GAB1: variants seen among roughly 807,000 people sequenced by gnomAD.
GAB1 encodes the protein GRB2 associated binding protein 1.
In GAB1, 19 loss-of-function variants were observed where a neutral mutation model predicts 66.5. The observed-to-expected ratio is 0.29, with a 90% CI of 0.20 to 0.42. The LOEUF is 0.42. Among genes scored for constraint, GAB1 ranks in the 10% least tolerant of loss-of-function variants. The probability of loss-of-function intolerance (pLI) is 1.00; values close to 1 mark genes in which losing one functional copy is unlikely to be tolerated. For synonymous variants in GAB1, 294 were observed against 301.4 expected (o/e 0.98, Z 0.25); for missense variants, 732 against 858.5 (o/e 0.85, Z 1.84).
In GAB1 at chr4:143,337,132, C is replaced by A. The variant is rs1339281773; in HGVS notation, c.-57C>A. ...CGCGCTCGGCAGGCGTCGGCTGTGT[C>A]GGGAGCGCGCCCGCCGCCCCTCAGC... is the stretch of plus-strand genomic sequence containing the variant. On this transcript the variant is annotated 5_prime_UTR_variant, in exon 1 of 10. Coordinates refer to ENST00000262994, the MANE Select transcript of GAB1 (RefSeq NM_002039.4). 6.7e-7 allele frequency: 1 copy of A among 1,484,396 alleles called. No homozygotes were observed. Among genetic ancestry groups the A allele is most frequent in the Admixed American group, 2.0e-5 (1 of 49,798 alleles). 92.0% of individuals were successfully genotyped at this position (1,484,396 alleles called of 1,614,324 possible).
intron 1 of GAB1, among the ~76,000 whole-genome samples, chr4:143,412,054 C>T (rs1201942633): frequency 3.9e-5 from 6 of 152,154 alleles, no homozygotes; most frequent in African/African-American, 9.7e-5. Context: ...TAATCACTAG[C>T]CCAATATATC....
In GAB1 at chr4:143,470,526, C is replaced by T. The variant is rs1736025127; in HGVS notation, c.*1337C>T. On this transcript the variant is annotated 3_prime_UTR_variant, in exon 10 of 10. Coordinates refer to ENST00000262994, the MANE Select transcript of GAB1 (RefSeq NM_002039.4). ...AATTCTGTCTCACCTATAACATGGT[C>T]CTGTGACATAGATATTAAGACCACA... 6.6e-6 allele frequency: 1 copy of T among 152,172 alleles called. No individual in the cohort carries two copies. Among genetic ancestry groups the T allele is most frequent in the African/African-American group, 2.4e-5 (1 of 41,438 alleles). The allele number at this position is 152,172 out of a possible 1,614,324, so 9.4% of individuals were successfully genotyped here. A position where few individuals can be genotyped will look rare whatever the true frequency, so the allele number is the denominator to read the frequency against.
chr4:143,461,546 C>A (rs888132996), intron 8 of GAB1, among the ~76,000 whole-genome samples: 1 of 152,154 alleles, frequency 6.6e-6, no homozygotes, highest in African/African-American at 2.4e-5. Flanking sequence ...GACAGTACCT[C>A]GAAACTGCTT....
intron 1 of GAB1, among the ~76,000 whole-genome samples, chr4:143,405,137 T>A (rs1480930275): frequency 6.6e-6 from 1 of 152,206 alleles, no homozygotes; most frequent in East Asian, 1.9e-4. Flanking sequence ...CATATGCCAT[T>A]TTGTTCTTAT....
intron 9 of GAB1, among the ~76,000 whole-genome samples, chr4:143,467,303 A>G (rs907064274): frequency 1.3e-5 from 2 of 152,210 alleles, no homozygotes; most frequent in African/African-American, 4.8e-5. Context: ...GATGAGTTTA[A>G]GGTCATTTCT....
At chr4:143,359,898 A>G (rs1231191443) in intron 1 of GAB1, among the ~76,000 whole-genome samples, 1 of 152,148 alleles carries the variant, frequency 6.6e-6, no homozygotes, top group African/African-American at 2.4e-5. Flanking sequence ...ACGCTGGGGA[A>G]CCCTAACTTT....
At chr4:143,390,871 A>C (rs1731155647) in intron 1 of GAB1, among the ~76,000 whole-genome samples, 1 of 152,146 alleles carries the variant, frequency 6.6e-6, no homozygotes, top group Non-Finnish European at 1.5e-5. Context: ...GATAGGTCGC[A>C]GGTATGTCTG....
chr4:143,404,756 G>A (rs547479090), intron 1 of GAB1, among the ~76,000 whole-genome samples: 1 of 152,284 alleles, frequency 6.6e-6, no homozygotes, highest in African/African-American at 2.4e-5. Context: ...TTGCAAAACT[G>A]AAAACAAAAC....
intron 1 of GAB1, among the ~76,000 whole-genome samples, chr4:143,368,186 A>T (rs1228440696): frequency 6.6e-6 from 1 of 152,090 alleles, no homozygotes; most frequent in Non-Finnish European, 1.5e-5. Flanking sequence ...GAGGAAAAAA[A>T]AAAAACAAGC....
intron 2 of GAB1, among the ~76,000 whole-genome samples, chr4:143,431,133 A>C (rs1447162503): frequency 6.6e-6 from 1 of 152,198 alleles, no homozygotes; most frequent in African/African-American, 2.4e-5. Flanking sequence ...AGGCAGAAGA[A>C]AATCCAGTAA....
At chr4:143,367,294 C>T (rs1270554677) in intron 1 of GAB1, among the ~76,000 whole-genome samples, 1 of 152,090 alleles carries the variant, frequency 6.6e-6, no homozygotes, top group African/African-American at 2.4e-5. Context: ...AGTTGGAACT[C>T]AATAAATGCT....
intron 1 of GAB1, among the ~76,000 whole-genome samples, chr4:143,378,629 GTCTCTC>G (rs3049720): frequency 0.038 from 4,864 of 129,164 alleles, 111 homozygotes; most frequent in South Asian, 0.09. Context: ...CTTCCAAAGT[GTCTCTC>G]TCTCTCTCTC....
At position 143,433,556 on chromosome 4, in the gene GAB1, G is replaced by A; in HGVS notation, c.433G>A (p.Ala145Thr). 1 of 1,613,954 alleles carries A rather than the reference G, an allele frequency of 6.2e-7. No homozygotes were observed. Among genetic ancestry groups the A allele is most frequent in the South Asian group, 1.1e-5 (1 of 91,088 alleles). Reference protein sequence around the residue: ...PADLPLAINTAPPSTQADSSS... With the variant: ...PADLPLAINTTPPSTQADSSS... ...TGATTTACCTTTAGCTATAAATACA[G>A]CACCACCATCCACCCAGGCAGATTC... The change falls in exon 3 of 10, where the codon GCA becomes ACA. Residue 145 changes from alanine to threonine, a missense_variant. Ala to Thr is a moderately conservative substitution (Grantham distance 58). This residue lies in a region of GAB1 where 427 missense variants were observed against 420.6 expected (regional missense o/e 1.02). Transcript: ENST00000262994.
At chr4:143,356,157 G>C (rs889844668) in intron 1 of GAB1, among the ~76,000 whole-genome samples, 2 of 152,138 alleles carry the variant, frequency 1.3e-5, no homozygotes, top group Non-Finnish European at 2.9e-5. Flanking sequence ...CAAATTTTGA[G>C]AATTTGTGCA....
intron 1 of GAB1, among the ~76,000 whole-genome samples, chr4:143,361,431 G>A (rs979095916): frequency 3.9e-5 from 6 of 152,248 alleles, no homozygotes; most frequent in Non-Finnish European, 7.4e-5. Context: ...TTGACCAAAG[G>A]CAATGAAATG....
intron 2 of GAB1, among the ~76,000 whole-genome samples, chr4:143,426,542 A>G (rs1277954402): frequency 6.6e-6 from 1 of 152,202 alleles, no homozygotes; most frequent in African/African-American, 2.4e-5. Flanking sequence ...ACCTTGTCTC[A>G]AAAAATAAAA....
chr4:143,337,070 G>T lies in GAB1; in HGVS notation c.-119G>T. On this transcript the variant is annotated 5_prime_UTR_variant, in exon 1 of 10. Coordinates refer to ENST00000262994, the MANE Select transcript of GAB1 (RefSeq NM_002039.4). ...TGGAGTCTGTCCGCCCAGTCCGTCC[G>T]GGGTGCGCGACCAGGAGAGCTAGGT... is the stretch of plus-strand genomic sequence containing the variant. 1 of 823,184 alleles carries T rather than the reference G, an allele frequency of 1.2e-6. No individual in the cohort carries two copies. Among genetic ancestry groups the T allele is most frequent in the Non-Finnish European group, 1.9e-6 (1 of 522,442 alleles). 51.0% of individuals were successfully genotyped at this position (823,184 alleles called of 1,614,324 possible). A position where few individuals can be genotyped will look rare whatever the true frequency, so the allele number is the denominator to read the frequency against.
intron 6 of GAB1, among the ~76,000 whole-genome samples, chr4:143,444,581 A>G (rs1457299905): frequency 6.6e-6 from 1 of 152,158 alleles, no homozygotes; most frequent in African/African-American, 2.4e-5. Context: ...TTAAAAATTA[A>G]CATGCACTTT....
intron 2 of GAB1, among the ~76,000 whole-genome samples, chr4:143,418,032 C>G (rs936189461): frequency 2.6e-5 from 4 of 152,234 alleles, no homozygotes; most frequent in Admixed American, 6.5e-5. Context: ...CGCTTCCTCT[C>G]TGGCCAGTCA....
Sources: gnomAD v4.1 joint callset for allele counts (sites outside exome capture counted in the v4.1 genomes callset) on GRCh38, gnomAD v4.1.1 for gene constraint, gnomAD v4.1.1 regional missense constraint, MANE v1.5 for transcripts, NCBI Gene and HGNC (gene_info 2026-07-23, HGNC 2026-07-21) for gene names.